The following WDTC1 variants were observed in gnomAD, a reference collection of about 807,000 sequenced individuals.
WDTC1 encodes the protein WD and tetratricopeptide repeats protein 1.
In WDTC1, 12 loss-of-function variants were observed where a neutral mutation model predicts 76.0. The observed-to-expected ratio is 0.16, with a 90% confidence interval of 0.10 to 0.26. The LOEUF is 0.26. Among genes scored for constraint, WDTC1 ranks in the 10% least tolerant of loss-of-function variants. The pLI, the probability that WDTC1 is intolerant of heterozygous loss-of-function variation, is 1.00. For missense variants in WDTC1, 511 were observed against 908.8 expected, an observed-to-expected ratio of 0.56 and a Z score of 5.63; for synonymous variants, 326 against 350.8, an observed-to-expected ratio of 0.93 and a Z score of 0.79.
chr1:27,306,637 C>T lies in WDTC1; in HGVS notation c.*254C>T. ...GGGGACACCCCTCCATATGCCCCCC[C>T]CCATCTCCTGCTTTCATGTCCCTGG... On this transcript the variant is annotated 3_prime_UTR_variant, in exon 16 of 16. Coordinates refer to ENST00000319394, the MANE Select transcript of WDTC1 (RefSeq NM_001276252.2). This position sits in a 1 kb window ranked among gnomAD's most constrained non-coding sequence, Gnocchi z 5.0. 1.8e-6 allele frequency: 1 copy of T among 545,594 alleles called. No individual in the cohort carries two copies. Among genetic ancestry groups the T allele is most frequent in the Admixed American group, 3.2e-5 (1 of 31,274 alleles). The allele number at this position is 545,594 out of a possible 1,614,324, so 33.8% of individuals were successfully genotyped here.
In WDTC1 at chr1:27,283,389, G is replaced by A. The variant is rs200084547; in HGVS notation, c.231G>A (p.Leu77=). The part of the protein sequence containing the change: ...DDQHTIVWDP[L]HHKKLLSMHT... ...AGCACACGATTGTGTGGGACCCGCTGCACCACAAGAAGCTGCTCTCCATGC... is the reference window on the plus strand; with the variant it reads ...AGCACACGATTGTGTGGGACCCGCTACACCACAAGAAGCTGCTCTCCATGC... Residue 77 remains leucine (L), a synonymous_variant, in exon 5 of 16, where the codon CTG becomes CTA. Coordinates refer to ENST00000319394, the MANE Select transcript of WDTC1 (RefSeq NM_001276252.2). The A allele has an allele frequency of 1.2e-4, 196 of 1,613,710 alleles. No individual in the cohort carries two copies. In the East Asian group the frequency reaches 3.8e-3, roughly 31 times the overall value.
chr1:27,237,797 G>T (rs1490741666), intron 1 of WDTC1, among the ~76,000 whole-genome samples: 2 of 148,268 alleles, frequency 1.3e-5, no homozygotes, highest in Middle Eastern at 3.6e-3. Flanking sequence ...GGAGGTGGAG[G>T]TTGCGGTGAG....
intron 3 of WDTC1, among the ~76,000 whole-genome samples, chr1:27,271,372 G>C (rs2012864086): frequency 6.6e-6 from 1 of 151,816 alleles, no homozygotes; most frequent in Non-Finnish European, 1.5e-5. Context: ...CTGCCACCAT[G>C]CCTGGCTAAT....
At chr1:27,282,104 T>C in intron 3 of WDTC1, 135 bp from the exon 4 acceptor site, 1 of 731,884 alleles carries the variant, frequency 1.4e-6, no homozygotes, top group Non-Finnish European at 2.3e-6. Flanking sequence ...AAGTCCACTT[T>C]GGCCACTCAC....
intron 3 of WDTC1, among the ~76,000 whole-genome samples, chr1:27,278,272 G>A (rs1372802440): frequency 6.6e-6 from 1 of 152,146 alleles, no homozygotes; most frequent in Non-Finnish European, 1.5e-5. Context: ...GAGTAGTAGT[G>A]ATATAGACCA....
In WDTC1 at chr1:27,283,143, A is replaced by G. The variant is rs536719008; in HGVS notation, c.180-195A>G. 1.7e-3 allele frequency among the ~76,000 whole-genome samples: 259 copies of G among 152,172 alleles called. 2 individuals are homozygous for G. Among genetic ancestry groups the G allele is most frequent in the Non-Finnish European group, 9.3e-4 (63 of 67,990 alleles). ...GACAGAGCGAGACTCCATTTCAAAA[A>G]AAAAAAAAAGAATAATGGAAATTTC... is the stretch of plus-strand genomic sequence containing the variant. On this transcript the variant is annotated intron_variant, in intron 4 of 15. Coordinates refer to ENST00000319394, the MANE Select transcript of WDTC1 (RefSeq NM_001276252.2).
In WDTC1 at chr1:27,296,201, G is replaced by A. The variant is rs909732812; in HGVS notation, c.874-125G>A. On this transcript the variant is annotated intron_variant, in intron 9 of 15. Coordinates refer to ENST00000319394, the MANE Select transcript of WDTC1 (RefSeq NM_001276252.2). ...AAGTACCTCTTAGGATAGCTTGATT[G>A]TTCTATGCTCAACACTCACTGTGTT... The A allele has an allele frequency of 3.7e-5, 42 of 1,147,416 alleles. No individual in the cohort carries two copies. The South Asian group carries it at 4.6e-4, about 13-fold the overall frequency. 71.1% of individuals were successfully genotyped at this position (1,147,416 alleles called of 1,614,324 possible).
chr1:27,306,421 G>C lies in WDTC1; in HGVS notation c.*38G>C. The C allele has an allele frequency of 6.3e-7, 1 of 1,597,152 alleles. No individual in the cohort carries two copies. Among genetic ancestry groups the C allele is most frequent in the Non-Finnish European group, 8.5e-7 (1 of 1,174,292 alleles). ...TGGTCCCCAGCCCCTGCTACTGGCT[G>C]GACCCTCTGCCCTGGGCAGGAGGTC... On this transcript the variant is annotated 3_prime_UTR_variant, in exon 16 of 16. Coordinates refer to ENST00000319394, the MANE Select transcript of WDTC1 (RefSeq NM_001276252.2). The surrounding 1 kb of genome is among the most constrained non-coding windows in gnomAD (Gnocchi z 5.0).
chr1:27,295,523 G>A (rs1456927222), intron 9 of WDTC1, among the ~76,000 whole-genome samples: 1 of 151,144 alleles, frequency 6.6e-6, no homozygotes, highest in Non-Finnish European at 1.5e-5. Context: ...GTGCGATCTC[G>A]GCTCACTGCA....
At chr1:27,237,775 C>T (rs1288333484) in intron 1 of WDTC1, among the ~76,000 whole-genome samples, 2 of 150,108 alleles carry the variant, frequency 1.3e-5, no homozygotes, top group African/African-American at 2.5e-5. Flanking sequence ...GCAGGAAAAT[C>T]GCTTGAACCC....
chr1:27,245,168 G>A (rs1188918107), intron 1 of WDTC1, among the ~76,000 whole-genome samples: 4 of 151,610 alleles, frequency 2.6e-5, no homozygotes, highest in East Asian at 3.8e-4. Flanking sequence ...GATTATTATC[G>A]TACATGAATA....
chr1:27,258,529 CAAA>C (rs113977595), intron 1 of WDTC1, among the ~76,000 whole-genome samples: 2 of 122,122 alleles, frequency 1.6e-5, no homozygotes, highest in African/African-American at 6.3e-5. Context: ...AAGACTCTGC[CAAA>C]AAAAAAAAAG....
intron 7 of WDTC1, among the ~76,000 whole-genome samples, chr1:27,293,262 C>T (rs1297009003): frequency 2.0e-5 from 3 of 149,854 alleles, no homozygotes; most frequent in Admixed American, 2.0e-4. Context: ...GAAACCCCGT[C>T]TCTACTAAAA....
chr1:27,243,357 C>T (rs993821479), intron 1 of WDTC1, among the ~76,000 whole-genome samples: 16 of 151,906 alleles, frequency 1.1e-4, no homozygotes, highest in Admixed American at 9.2e-4. Context: ...GGATTACAGG[C>T]GCCTGCCACC....
Position 27,263,883 on chromosome 1 carries a change from G to A in WDTC1, c.132+648G>A, listed in dbSNP as rs188165780. Among the ~76,000 whole-genome samples, 7 of 151,344 alleles carry A rather than the reference G, an allele frequency of 4.6e-5. No homozygotes were observed. The South Asian group carries it at 1.0e-3, about 23-fold the overall frequency. On this transcript the variant is annotated intron_variant, in intron 3 of 15. Transcript: ENST00000319394. The stretch of plus-strand genomic sequence containing the variant: ...TGTTTTCATATACATATACATATAC[G>A]TATACATATACATATACATATACAC...
At chr1:27,270,891 G>A (rs1232748801) in intron 3 of WDTC1, among the ~76,000 whole-genome samples, 2 of 152,130 alleles carry the variant, frequency 1.3e-5, no homozygotes, top group Admixed American at 1.3e-4. Flanking sequence ...GTATGGTTGA[G>A]CTTTTGAATT....
chr1:27,292,793 G>A (rs1185493878), intron 7 of WDTC1, among the ~76,000 whole-genome samples: 1 of 97,040 alleles, frequency 1.0e-5, no homozygotes, highest in Non-Finnish European at 1.9e-5. Flanking sequence ...ACAGAGTCTT[G>A]CTCTGTCACC....
chr1:27,276,788 C>T (rs2013042096), intron 3 of WDTC1, among the ~76,000 whole-genome samples: 1 of 151,346 alleles, frequency 6.6e-6, no homozygotes, highest in South Asian at 2.1e-4. Flanking sequence ...ATTTTCATTT[C>T]CCTAATGACT....
chr1:27,245,346 T>C (rs1029982787), intron 1 of WDTC1, among the ~76,000 whole-genome samples: 3 of 151,818 alleles, frequency 2.0e-5, no homozygotes, highest in African/African-American at 7.3e-5. Flanking sequence ...TATTGGTGCC[T>C]GCTAAGCTTA....
Sources: allele counts gnomAD v4.1 joint callset (sites outside exome capture counted in the v4.1 genomes callset), GRCh38; gene constraint gnomAD v4.1.1; non-coding constraint Gnocchi (gnomAD v3.1); transcripts MANE v1.5; gene names NCBI Gene and HGNC (gene_info 2026-07-23, HGNC 2026-07-21).